The following TMEM233 variants were observed in gnomAD, a reference collection of about 807,000 sequenced individuals.
TMEM233 encodes transmembrane protein 233.
TMEM233 carries 6 observed loss-of-function variants against 11.2 expected under a neutral mutation model. That is an observed-to-expected ratio of 0.54 (90% CI 0.29 to 1.06). The LOEUF (loss-of-function observed/expected upper bound fraction) is 1.06. Among genes scored for constraint, TMEM233 ranks in the 50% least tolerant of loss-of-function variants. The probability of loss-of-function intolerance (pLI) is 0.08; values close to 1 mark genes in which losing one functional copy is unlikely to be tolerated. For missense variants in TMEM233, 127 were observed against 144.7 expected (o/e 0.88, Z 0.63); for synonymous variants, 59 against 55.8 (o/e 1.06, Z -0.26).
intron 1 of TMEM233, among the ~76,000 whole-genome samples, chr12:119,597,669 GGGAGTCCT>G (rs1954074136): frequency 6.6e-6 from 1 of 152,128 alleles, no homozygotes. Flanking sequence ...GTAGAACCAG[GGGAGTCCT>G]GGGGTCCTGG....
chr12:119,634,846 G>A (rs774614884), intron 2 of TMEM233, among the ~76,000 whole-genome samples: 12 of 152,140 alleles, frequency 7.9e-5, no homozygotes, highest in African/African-American at 1.9e-4. Flanking sequence ...GCTCTCATTC[G>A]TCCTATTTTA....
At chr12:119,617,981 C>T (rs11064850) in intron 1 of TMEM233, among the ~76,000 whole-genome samples, 51,381 of 152,124 alleles carry the variant, frequency 0.34, 9,266 homozygotes, top group African/African-American at 0.41. Flanking sequence ...CATCACAGGC[C>T]TGGAGGCCTA....
At chr12:119,629,366 T>A (rs1293072003) in intron 1 of TMEM233, among the ~76,000 whole-genome samples, 1 of 151,966 alleles carries the variant, frequency 6.6e-6, no homozygotes, top group African/African-American at 2.4e-5. Flanking sequence ...GCCAAGGTTG[T>A]GCCACTGCAC....
chr12:119,610,151 C>T (rs1228701546), intron 1 of TMEM233, among the ~76,000 whole-genome samples: 2 of 152,328 alleles, frequency 1.3e-5, no homozygotes, highest in African/African-American at 4.8e-5. Context: ...TATTTTGAAA[C>T]GTTAAGGTTT....
At chr12:119,605,018 G>T (rs1343628391) in intron 1 of TMEM233, among the ~76,000 whole-genome samples, 2 of 144,362 alleles carry the variant, frequency 1.4e-5, no homozygotes, top group Admixed American at 1.4e-4. Context: ...TTTTTGCCAC[G>T]GGTGAAATTC....
In TMEM233 at chr12:119,594,147, G is replaced by A. The variant is rs745911118; in HGVS notation, c.186+113G>A. 1.4e-4 allele frequency: 153 copies of A among 1,109,676 alleles called. No individual in the cohort carries two copies. The highest frequency in any genetic ancestry group is 1.8e-4 in the Non-Finnish European group (138 of 783,844). 68.7% of individuals were successfully genotyped at this position (1,109,676 alleles called of 1,614,324 possible). Reference sequence around the variant, plus strand: ...CTCCCTTCCTCACGGCCCGGCCCGCGCTAGGTGTTCTTTGTCCTCGCACCT... The same window carrying A: ...CTCCCTTCCTCACGGCCCGGCCCGCACTAGGTGTTCTTTGTCCTCGCACCT... On this transcript the variant is annotated intron_variant, in intron 1 of 2. Coordinates refer to ENST00000426426, the MANE Select transcript of TMEM233 (RefSeq NM_001136534.3). The surrounding 1 kb of genome is among the most constrained non-coding windows in gnomAD (Gnocchi z 5.6).
intron 2 of TMEM233, among the ~76,000 whole-genome samples, chr12:119,635,223 T>C (rs1052092862): frequency 6.6e-6 from 1 of 152,214 alleles, no homozygotes; most frequent in Non-Finnish European, 1.5e-5. Flanking sequence ...GGTTAGGTTA[T>C]TCTAGTGATG....
downstream of TMEM233, among the ~76,000 whole-genome samples, chr12:119,643,885 G>A (rs917328004): frequency 1.3e-5 from 2 of 152,172 alleles, no homozygotes; most frequent in African/African-American, 4.8e-5. Flanking sequence ...AACTTCCAGG[G>A]ATAGCTTCAG....
chr12:119,620,761 GA>G (rs996097740), intron 1 of TMEM233, among the ~76,000 whole-genome samples: 1 of 152,196 alleles, frequency 6.6e-6, no homozygotes, highest in Non-Finnish European at 1.5e-5. Context: ...CACGAAGGGG[GA>G]AAGGAAACAA....
At chr12:119,645,525 C>T (rs901630414), downstream of TMEM233, among the ~76,000 whole-genome samples, 2 of 152,198 alleles carry the variant, frequency 1.3e-5, no homozygotes, top group Admixed American at 6.5e-5. Flanking sequence ...ATCACCTACA[C>T]TTGCTGGAGA....
intron 1 of TMEM233, among the ~76,000 whole-genome samples, chr12:119,625,494 T>A (rs12708371): frequency 1.3e-5 from 2 of 151,892 alleles, no homozygotes; most frequent in Non-Finnish European, 2.9e-5. Flanking sequence ...CTCAGCCTCC[T>A]GAGAAACTTA....
rs750433707 is a variant in TMEM233, at chr12:119,593,929, C to T, written c.81C>T (p.Thr27=). 1 of 1,551,618 alleles carries T rather than the reference C, an allele frequency of 6.4e-7. No individual in the cohort carries two copies. The highest frequency in any genetic ancestry group is 8.7e-7 in the Non-Finnish European group (1 of 1,147,000). ...AGGCCAACACTGAAGATGACAAGAC[C>T]GAGGAGGACGTGCCCATGCCCAAGA... ...SPEANTEDDK[T]EEDVPMPKNY... is the part of the protein sequence containing the mutation. The change falls in exon 1 of 3, where the codon ACC becomes ACT. Residue 27 remains threonine (T), a synonymous_variant. Coordinates refer to ENST00000426426, the MANE Select transcript of TMEM233 (RefSeq NM_001136534.3). This position sits in a 1 kb window ranked among gnomAD's most constrained non-coding sequence, Gnocchi z 4.1.
rs1485183363 is a variant in TMEM233 at position 119,642,085 on chromosome 12, C to T, written c.*1380C>T. 1.3e-5 allele frequency: 2 copies of T among 152,150 alleles called. No individual in the cohort carries two copies. The highest frequency in any genetic ancestry group is 1.9e-4 in the East Asian group (1 of 5,200). 9.4% of individuals were successfully genotyped at this position (152,150 alleles called of 1,614,324 possible). A position where few individuals can be genotyped will look rare whatever the true frequency, so the allele number is the denominator to read the frequency against. On this transcript the variant is annotated 3_prime_UTR_variant, in exon 3 of 3. Coordinates refer to ENST00000426426, the MANE Select transcript of TMEM233 (RefSeq NM_001136534.3). ...AAGAAAATATCAAGTAATTAACACA[C>T]CAGATAAGTATATGTGGCAAAAGTC...
the TMEM233 span, among the ~76,000 whole-genome samples, chr12:119,652,991 A>C: frequency 6.6e-6 from 1 of 152,348 alleles, no homozygotes; most frequent in East Asian, 1.9e-4. Flanking sequence ...CATAAGAACG[A>C]GTCACTAGTA....
rs964604086 is a variant in TMEM233, at chr12:119,609,565, C to T, written c.186+15531C>T. 3.0e-4 allele frequency among the ~76,000 whole-genome samples: 46 copies of T among 152,182 alleles called. 1 individual carries two copies. The highest frequency in any genetic ancestry group is 2.1e-4 in the South Asian group (1 of 4,828). Reference sequence around the variant, plus strand: ...GAAAAATGGTTTTATGGGCCCAGGGCCCCCTGCTGTGTGCAGCCTCAGACG... The same window carrying T: ...GAAAAATGGTTTTATGGGCCCAGGGTCCCCTGCTGTGTGCAGCCTCAGACG... On this transcript the variant is annotated intron_variant, in intron 1 of 2. Coordinates refer to ENST00000426426, the MANE Select transcript of TMEM233 (RefSeq NM_001136534.3).
the TMEM233 span, among the ~76,000 whole-genome samples, chr12:119,649,229 C>T: frequency 1.3e-5 from 2 of 151,880 alleles, no homozygotes; most frequent in African/African-American, 2.4e-5. Context: ...ACCCAGGTGG[C>T]GGAGGTTGCA....
chr12:119,595,078 C>T lies in TMEM233; in HGVS notation c.186+1044C>T, dbSNP rs942312474. Among the ~76,000 whole-genome samples the T allele has an allele frequency of 6.6e-6, 1 of 152,246 alleles. No homozygotes were observed. The highest frequency in any genetic ancestry group is 1.5e-5 in the Non-Finnish European group (1 of 68,038). On this transcript the variant is annotated intron_variant, in intron 1 of 2. Transcript: ENST00000426426. The surrounding 1 kb of genome is among the most constrained non-coding windows in gnomAD (Gnocchi z 4.3). ...GGGCCTCTAGTCCGCCCTTCCGGAG[C>T]TCAGCTCCCTAGCCCTCTTCAACCC...
At chr12:119,618,366 C>A (rs1408674508) in intron 1 of TMEM233, among the ~76,000 whole-genome samples, 1 of 152,212 alleles carries the variant, frequency 6.6e-6, no homozygotes, top group Non-Finnish European at 1.5e-5. Context: ...CCCACTGGGG[C>A]ACTGCCTAGT....
At chr12:119,605,567 T>C (rs1209859929) in intron 1 of TMEM233, among the ~76,000 whole-genome samples, 6 of 151,936 alleles carry the variant, frequency 3.9e-5, no homozygotes, top group Non-Finnish European at 8.8e-5. Context: ...CAGCTGGAAC[T>C]ATAGGCACGC....
Sources: gnomAD v4.1 joint callset for allele counts (sites outside exome capture counted in the v4.1 genomes callset) on GRCh38, gnomAD v4.1.1 for gene constraint, Gnocchi (gnomAD v3.1) non-coding constraint, MANE v1.5 for transcripts, NCBI Gene and HGNC (gene_info 2026-07-23, HGNC 2026-07-21) for gene names.